The following TFAP2B variants were observed in gnomAD, a reference collection of about 807,000 sequenced individuals.
The protein encoded by TFAP2B is transcription factor AP-2-beta.
In TFAP2B, 9 loss-of-function variants were observed where a neutral mutation model predicts 44.3. The observed-to-expected ratio is 0.20, with a 90% CI of 0.12 to 0.35. The LOEUF is 0.35. Ranked by LOEUF, TFAP2B falls within the 10% of genes least tolerant of loss-of-function variation. The pLI is 1.00. For synonymous variants in TFAP2B, 270 were observed against 263.8 expected, an observed-to-expected ratio of 1.02 and a Z score of -0.23; for missense variants, 509 against 600.0, an observed-to-expected ratio of 0.85 and a Z score of 1.59.
chr6:50,818,900 A>C lies in TFAP2B; in HGVS notation c.9A>C (p.Ser3=). The C allele has an allele frequency of 6.2e-7, 1 of 1,613,916 alleles. No individual in the cohort carries two copies. The highest frequency in any genetic ancestry group is 8.5e-7 in the Non-Finnish European group (1 of 1,179,974). MH[S]PPRDQAAIML... ...ATCTGCTCCTCACATGAATGCACTC[A>C]CCTCCTAGAGACCAGGCTGCCATCA... Residue 3 remains serine, a synonymous_variant, in exon 1 of 7, where the codon TCA becomes TCC. Transcript: ENST00000393655.
chr6:50,822,020 C>CTTTTT, intron 1 of TFAP2B: 1 of 481,880 alleles, frequency 2.1e-6, no homozygotes, highest in African/African-American at 2.3e-5. Flanking sequence ...GATGGCTTGT[C>CTTTTT]CTGGAAACAC....
At chr6:50,820,923 G>A (rs1770325290) in intron 1 of TFAP2B, among the ~76,000 whole-genome samples, 1 of 151,734 alleles carries the variant, frequency 6.6e-6, no homozygotes, top group African/African-American at 2.4e-5. Flanking sequence ...GAAGAGAGAA[G>A]AGAAAAGAGG....
intron 6 of TFAP2B, among the ~76,000 whole-genome samples, chr6:50,842,821 C>T (rs964070771): frequency 1.3e-5 from 2 of 152,136 alleles, no homozygotes; most frequent in African/African-American, 4.8e-5. Flanking sequence ...CGAGTCCAGG[C>T]GGTCCTGGAA....
chr6:50,824,618 T>A (rs988991929), intron 2 of TFAP2B, among the ~76,000 whole-genome samples: 1 of 152,220 alleles, frequency 6.6e-6, no homozygotes, highest in African/African-American at 2.4e-5. Flanking sequence ...CTCCCTCTCC[T>A]GGCCTCCGCC....
At chr6:50,821,987 T>G (rs923393179) in intron 1 of TFAP2B, 19 of 250,454 alleles carry the variant, frequency 7.6e-5, no homozygotes, top group Admixed American at 1.4e-4. Context: ...GGGGGGCGGG[T>G]GTAATTTTTT....
intron 3 of TFAP2B, among the ~76,000 whole-genome samples, chr6:50,829,625 A>T (rs949855808): frequency 1.3e-5 from 2 of 152,232 alleles, no homozygotes; most frequent in African/African-American, 4.8e-5. Context: ...CTGTCTCTAT[A>T]TTTAGTGTCA....
At chr6:50,828,756 G>A in intron 3 of TFAP2B, 77 bp downstream of exon 3, 1 of 1,501,486 alleles carries the variant, frequency 6.7e-7, no homozygotes. Flanking sequence ...TTCACTTTGG[G>A]GGAATTCATT....
chr6:50,823,783 C>T lies in TFAP2B; in HGVS notation c.458C>T (p.Ser153Leu). The change falls in exon 2 of 7, where the codon TCG (serine) becomes TTG (leucine). Residue 153 changes from serine (S) to leucine (L), a missense_variant. Coordinates refer to ENST00000393655, the MANE Select transcript of TFAP2B (RefSeq NM_003221.4). ...SVRRPDVLLH[S>L]AHHGLDAGMG... ...CGCCGGCCGGACGTGCTGCTGCATT[C>T]GGCGCACCACGGCCTGGACGCGGGC... 6.3e-7 allele frequency: 1 copy of T among 1,587,578 alleles called. No homozygotes were observed. The highest frequency in any genetic ancestry group is 8.6e-7 in the Non-Finnish European group (1 of 1,166,832).
At position 50,846,836 on chromosome 6, in the gene TFAP2B, A is replaced by G. The variant is rs560429815; in HGVS notation, c.*3444A>G. ...TTTTCTTTCCTTCCTTCTGGCCTCCACACCCATAGCTTTCCTCCATCCCCA... is the reference window on the plus strand; with the variant it reads ...TTTTCTTTCCTTCCTTCTGGCCTCCGCACCCATAGCTTTCCTCCATCCCCA... On this transcript the variant is annotated 3_prime_UTR_variant, in exon 7 of 7. Transcript: ENST00000393655. 1.2e-4 allele frequency: 18 copies of G among 151,960 alleles called. No individual in the cohort carries two copies. The highest frequency in any genetic ancestry group is 3.3e-4 in the Admixed American group (5 of 15,218). The allele number at this position is 151,960 out of a possible 1,614,324, so 9.4% of individuals were successfully genotyped here.
rs777687254 is a variant in TFAP2B, at chr6:50,838,014, G to T, written c.861G>T (p.Arg287Ser). 9.3e-6 allele frequency: 15 copies of T among 1,614,188 alleles called. No homozygotes were observed. The highest frequency in any genetic ancestry group is 2.2e-5 in the East Asian group (1 of 44,862). The change falls in exon 5 of 7, where the codon AGG becomes AGT. Residue 287 changes from arginine (R) to serine (S), a missense_variant. Physicochemically the swap from Arg to Ser is moderately radical, Grantham distance 110. This residue lies in a region of TFAP2B where 45 missense variants were observed against 108.6 expected (regional missense o/e 0.41). Coordinates refer to ENST00000393655, the MANE Select transcript of TFAP2B (RefSeq NM_003221.4). ...SKNGGRSLRERLEKIGLNLPA... is the reference protein window; with the variant it reads ...SKNGGRSLRESLEKIGLNLPA... ...ATGGGGGGAGATCTTTGCGAGAAAG[G>T]CTAGAAAAAATCGGTTTGAATTTAC...
At chr6:50,840,776 A>G (rs968569799) in intron 6 of TFAP2B, among the ~76,000 whole-genome samples, 1 of 152,232 alleles carries the variant, frequency 6.6e-6, no homozygotes, top group African/African-American at 2.4e-5. Flanking sequence ...AAAATTTACT[A>G]CAACTCCAGA....
chr6:50,819,676 CTCT>C (rs1770267975), intron 1 of TFAP2B, among the ~76,000 whole-genome samples: 2 of 152,366 alleles, frequency 1.3e-5, no homozygotes, highest in South Asian at 4.1e-4. Context: ...GCTAGCTCAA[CTCT>C]TCGGGGCAGG....
chr6:50,824,682 G>A (rs755312352), intron 2 of TFAP2B, among the ~76,000 whole-genome samples: 1 of 152,100 alleles, frequency 6.6e-6, no homozygotes, highest in Non-Finnish European at 1.5e-5. Context: ...GAGGCATCAC[G>A]TGTTTATTTC....
At position 50,823,650 on chromosome 6, in the gene TFAP2B, C is replaced by T. The variant is rs540117415; in HGVS notation, c.325C>T (p.Arg109Trp). ...HQPQQHPWGQ[R>W]QRQEVGSEAG... is the part of the protein sequence containing the mutation. ...GCCCCAGCAACATCCCTGGGGGCAA[C>T]GGCAGCGGCAAGAAGTGGGTTCGGA... Residue 109 changes from arginine (R) to tryptophan (W), a missense_variant, in exon 2 of 7, where the codon CGG becomes TGG. Arg to Trp is a moderately radical substitution (Grantham distance 101, BLOSUM62 -3). This residue lies in a region of TFAP2B where 296 missense variants were observed against 308.2 expected (regional missense o/e 0.96). Coordinates refer to ENST00000393655, the MANE Select transcript of TFAP2B (RefSeq NM_003221.4). 1 of 1,614,080 alleles carries T rather than the reference C, an allele frequency of 6.2e-7. No individual in the cohort carries two copies. The highest frequency in any genetic ancestry group is 8.5e-7 in the Non-Finnish European group (1 of 1,179,986).
chr6:50,822,294 G>A lies in TFAP2B; in HGVS notation c.82-1113G>A, dbSNP rs1017285744. Reference sequence around the variant, plus strand: ...GTCTTCCTTTGAGCGCCTTTGGCTTGGTAATTTAGCACCATAATTGGACGA... The same window carrying A: ...GTCTTCCTTTGAGCGCCTTTGGCTTAGTAATTTAGCACCATAATTGGACGA... On this transcript the variant is annotated intron_variant, in intron 1 of 6. Transcript: ENST00000393655. 8 of 717,668 alleles carry A rather than the reference G, an allele frequency of 1.1e-5. No individual in the cohort carries two copies. The Admixed American group carries it at 1.3e-4, about 12-fold the overall frequency. The allele number at this position is 717,668 out of a possible 1,614,324, so 44.5% of individuals were successfully genotyped here. A position where few individuals can be genotyped will look rare whatever the true frequency, so the allele number is the denominator to read the frequency against.
chr6:50,840,826 G>A (rs1010599807), intron 6 of TFAP2B, among the ~76,000 whole-genome samples: 1 of 152,218 alleles, frequency 6.6e-6, no homozygotes, highest in Non-Finnish European at 1.5e-5. Context: ...TAGGTCTAGA[G>A]CTCATTTGAA....
Position 50,823,506 on chromosome 6 carries a change from C to G in TFAP2B, c.181C>G (p.Pro61Ala), listed in dbSNP as rs934664886. The change falls in exon 2 of 7, where the codon CCG becomes GCG. Residue 61 changes from proline to alanine, a missense_variant. By Grantham distance (27) the Pro-to-Ala change is conservative. Transcript: ENST00000393655. The part of the protein sequence containing the change: ...YSSAPPLSHT[P>A]SSDFQPPYFP... ...GAGCGCCCCGCCGCTGTCCCACACC[C>G]CGTCGTCGGACTTCCAGCCGCCCTA... 1.9e-6 allele frequency: 3 copies of G among 1,613,800 alleles called. No homozygotes were observed. The South Asian group carries it at 3.3e-5, about 18-fold the overall frequency.
rs1197862662 is a variant in TFAP2B at position 50,844,810 on chromosome 6, AC to A, written c.*1419del. On this transcript the variant is annotated 3_prime_UTR_variant, in exon 7 of 7. Transcript: ENST00000393655. ...GAGTGGACGTGGGGAGGAGGGCGGC[AC>A]AAGCACCCACATTTCTGTAACAATT... is the stretch of plus-strand genomic sequence containing the variant. The A allele has an allele frequency of 1.3e-5, 2 of 152,240 alleles. No individual in the cohort carries two copies. Among genetic ancestry groups the A allele is most frequent in the Non-Finnish European group, 2.9e-5 (2 of 68,038 alleles). 9.4% of individuals were successfully genotyped at this position (152,240 alleles called of 1,614,324 possible).
rs1222401690 is a variant in TFAP2B at position 50,845,494 on chromosome 6, C to T, written c.*2102C>T. 6.6e-6 allele frequency: 1 copy of T among 152,548 alleles called. No homozygotes were observed. Among genetic ancestry groups the T allele is most frequent in the Non-Finnish European group, 1.5e-5 (1 of 68,172 alleles). 9.4% of individuals were successfully genotyped at this position (152,548 alleles called of 1,614,324 possible). On this transcript the variant is annotated 3_prime_UTR_variant, in exon 7 of 7. Transcript: ENST00000393655. ...CTCCAACCCCTAGCTTCGTTTAGCA[C>T]TTCTGATCTTCATGGCCCAGCCCTA...
Sources: allele counts gnomAD v4.1 joint callset (sites outside exome capture counted in the v4.1 genomes callset), GRCh38; gene constraint gnomAD v4.1.1; regional missense constraint gnomAD v4.1.1; transcripts MANE v1.5; gene names NCBI Gene and HGNC (gene_info 2026-07-23, HGNC 2026-07-21).